The following PTPRS variants were observed in gnomAD, a reference collection of about 807,000 sequenced individuals.
PTPRS encodes the protein protein tyrosine phosphatase receptor type S, also known as receptor-type tyrosine-protein phosphatase S.
A neutral mutation model predicts 215.3 loss-of-function variants in PTPRS; 63 were observed. That is an observed-to-expected ratio of 0.29 (90% CI 0.24 to 0.36). The LOEUF is 0.36. PTPRS is among the 10% of genes least tolerant of loss of function. The pLI is 1.00. For synonymous variants in PTPRS, 1,404 were observed against 1,191.4 expected, an observed-to-expected ratio of 1.18 and a Z score of -3.68; for missense variants, 2,258 against 2,825.8, an observed-to-expected ratio of 0.80 and a Z score of 4.56.
chr19:5,215,353 C>G lies in PTPRS; in HGVS notation c.4254G>C (p.Pro1418=). Residue 1418 remains proline, a synonymous_variant, in exon 28 of 38, where the codon CCG becomes CCC. Coordinates refer to ENST00000262963, the MANE Select transcript of PTPRS (RefSeq NM_002850.4). ...WEHSNLEVNK[P]KNRYANVIAY... ...CGATGACGTTGGCATAGCGGTTCTT[C>G]GGCTTGTTCACTTCCAGGTTGGAAT... The G allele has an allele frequency of 6.2e-7, 1 of 1,614,118 alleles. No homozygotes were observed. Among genetic ancestry groups the G allele is most frequent in the Non-Finnish European group, 8.5e-7 (1 of 1,180,022 alleles).
intron 2 of PTPRS, among the ~76,000 whole-genome samples, chr19:5,276,708 T>C (rs932377812): frequency 3.3e-5 from 5 of 151,600 alleles, no homozygotes; most frequent in Non-Finnish European, 7.4e-5. Flanking sequence ...GCCCAGCTAA[T>C]TTTTTTGTAT....
intron 19 of PTPRS, among the ~76,000 whole-genome samples, chr19:5,221,665 C>T (rs755540023): frequency 1.3e-5 from 2 of 152,136 alleles, no homozygotes; most frequent in Non-Finnish European, 2.9e-5. Flanking sequence ...TGATCTCAGA[C>T]TGAACCTCAA....
In PTPRS at chr19:5,287,711, G is replaced by A. The variant is rs1352913469; in HGVS notation, c.-94-1477C>T. Among the ~76,000 whole-genome samples, 1 of 152,200 alleles carries A rather than the reference G, an allele frequency of 6.6e-6. No individual in the cohort carries two copies. The highest frequency in any genetic ancestry group is 2.4e-5 in the African/African-American group (1 of 41,456). On this transcript the variant is annotated intron_variant, in intron 1 of 37. Transcript: ENST00000262963. The surrounding 1 kb of genome is among the most constrained non-coding windows in gnomAD (Gnocchi z 4.8). ...CTGGGGCGGTCCCAGGGGAAGGATG[G>A]GCGGGTAGTGGCCGGGTCACAGCCT...
chr19:5,262,292 C>G (rs1464464214), intron 6 of PTPRS, among the ~76,000 whole-genome samples: 1 of 152,078 alleles, frequency 6.6e-6, no homozygotes, highest in Non-Finnish European at 1.5e-5. Flanking sequence ...GAAGTCTTTT[C>G]AAGTTGGCCA....
At chr19:5,319,089 GA>G (rs994668196) in intron 1 of PTPRS, among the ~76,000 whole-genome samples, 1 of 151,818 alleles carries the variant, frequency 6.6e-6, no homozygotes, top group African/African-American at 2.4e-5. Context: ...GACATGGAAA[GA>G]AAAAAAGGAG....
chr19:5,284,852 G>A (rs1039839322), intron 2 of PTPRS, among the ~76,000 whole-genome samples: 1 of 152,128 alleles, frequency 6.6e-6, no homozygotes, highest in Non-Finnish European at 1.5e-5. Context: ...GGAGGCTGAG[G>A]TGGGAGGATT....
chr19:5,311,354 T>A (rs2049695993), intron 1 of PTPRS, among the ~76,000 whole-genome samples: 1 of 152,086 alleles, frequency 6.6e-6, no homozygotes, highest in Non-Finnish European at 1.5e-5. Flanking sequence ...AGGGAAGGGT[T>A]TTTCCCTCTG....
intron 1 of PTPRS, among the ~76,000 whole-genome samples, chr19:5,332,958 G>A (rs576096490): frequency 2.6e-5 from 4 of 152,290 alleles, no homozygotes; most frequent in Non-Finnish European, 5.9e-5. Flanking sequence ...AGACCAGCCT[G>A]GCCAATGGGG....
chr19:5,215,249 G>A, intron 28 of PTPRS, 40 bp downstream of exon 28: 1 of 1,609,148 alleles, frequency 6.2e-7, no homozygotes, highest in South Asian at 1.1e-5. Flanking sequence ...TTTCCATGCA[G>A]TGGGGAAGGG....
chr19:5,222,360 T>TGCCTGGCCCTG (rs2042054743), intron 18 of PTPRS, 140 bp from the exon 19 acceptor site: 2 of 747,024 alleles, frequency 2.7e-6, no homozygotes, highest in Admixed American at 2.2e-5. Flanking sequence ...ACGGCCTTCC[T>TGCCTGGCCCTG]GCCTGGCCCT....
Position 5,237,645 on chromosome 19 carries a change from C to G in PTPRS, c.1849+1274G>C, listed in dbSNP as rs1018089974. Among the ~76,000 whole-genome samples the G allele has an allele frequency of 6.6e-6, 1 of 151,952 alleles. No individual in the cohort carries two copies. Among genetic ancestry groups the G allele is most frequent in the African/African-American group, 2.4e-5 (1 of 41,368 alleles). On this transcript the variant is annotated intron_variant, in intron 13 of 37. Transcript: ENST00000262963. This position sits in a 1 kb window ranked among gnomAD's most constrained non-coding sequence, Gnocchi z 4.2. ...AGTGGCTGGGGCAGGCGGGGGGGCACGCGGGGTGGGCCGTTTTTGTGAACC... is the reference window on the plus strand; with the variant it reads ...AGTGGCTGGGGCAGGCGGGGGGGCAGGCGGGGTGGGCCGTTTTTGTGAACC...
intron 2 of PTPRS, among the ~76,000 whole-genome samples, chr19:5,277,016 A>G (rs1057271385): frequency 1.3e-5 from 2 of 151,320 alleles, no homozygotes; most frequent in Non-Finnish European, 2.9e-5. Context: ...TAATGTTACA[A>G]TGTATCCCCT....
intron 9 of PTPRS, among the ~76,000 whole-genome samples, chr19:5,255,805 TGCAGAGGCGACCATAATGCAA>T: frequency 6.6e-6 from 1 of 152,314 alleles, no homozygotes. Flanking sequence ...TACCAACGGA[TGCAGAGGCGACCATAATGCAA>T]GCATCGCATG....
chr19:5,288,414 T>C (rs971899684), intron 1 of PTPRS, among the ~76,000 whole-genome samples: 4 of 152,186 alleles, frequency 2.6e-5, no homozygotes, highest in Non-Finnish European at 5.9e-5. Flanking sequence ...CACAACCAGT[T>C]GGGGACTGGG....
At chr19:5,217,285 G>C (rs77802912) in intron 25 of PTPRS, among the ~76,000 whole-genome samples, 4 of 152,216 alleles carry the variant, frequency 2.6e-5, no homozygotes, top group Admixed American at 2.0e-4. Context: ...GCACATTAGC[G>C]GTGAATTGTG....
chr19:5,282,781 G>A (rs1310437181), intron 2 of PTPRS, among the ~76,000 whole-genome samples: 4 of 142,714 alleles, frequency 2.8e-5, no homozygotes, highest in Non-Finnish European at 6.0e-5. Flanking sequence ...CAGGACAACA[G>A]AACAAGACTT....
At chr19:5,231,219 G>A in intron 14 of PTPRS, 91 bp downstream of exon 14, 3 of 1,366,328 alleles carry the variant, frequency 2.2e-6, no homozygotes, top group Non-Finnish European at 2.9e-6. Flanking sequence ...TCCGCCCTTT[G>A]ACCACCAGCC....
At position 5,231,569 on chromosome 19, in the gene PTPRS, G is replaced by T. The variant is rs2043015631; in HGVS notation, c.1896C>A (p.Ser632=). 6.2e-7 allele frequency: 1 copy of T among 1,603,542 alleles called. No homozygotes were observed. The highest frequency in any genetic ancestry group is 8.5e-7 in the Non-Finnish European group (1 of 1,178,208). Residue 632 remains serine (S), a synonymous_variant, in exon 14 of 38, where the codon TCC becomes TCA. Coordinates refer to ENST00000262963, the MANE Select transcript of PTPRS (RefSeq NM_002850.4). Reference sequence around the variant, plus strand: ...GGCGCCAACTTACCAAAATGGCCGTGGAGCGCACGCTGACACATTTAACGT... The same window carrying T: ...GGCGCCAACTTACCAAAATGGCCGTTGAGCGCACGCTGACACATTTAACGT... ...PQDVKCVSVR[S]TAILVSWRPP...
At chr19:5,232,978 G>T (rs1181556225) in intron 13 of PTPRS, among the ~76,000 whole-genome samples, 1 of 149,458 alleles carries the variant, frequency 6.7e-6, no homozygotes, top group Non-Finnish European at 1.5e-5. Flanking sequence ...CAAGGGGAGC[G>T]GCAACAGAAG....
Sources: gnomAD v4.1 joint callset for allele counts (sites outside exome capture counted in the v4.1 genomes callset) on GRCh38, gnomAD v4.1.1 for gene constraint, Gnocchi (gnomAD v3.1) non-coding constraint, MANE v1.5 for transcripts, NCBI Gene and HGNC (gene_info 2026-07-23, HGNC 2026-07-21) for gene names.